The following GRIA4 variants were observed in gnomAD, a reference collection of about 807,000 sequenced individuals.
GRIA4 encodes glutamate ionotropic receptor AMPA type subunit 4, also known as glutamate receptor 4.
Under a neutral mutation model 104.0 loss-of-function variants are expected in GRIA4, and 34 were observed. The ratio of observed to expected loss-of-function variants is 0.33; its 90% CI spans 0.25 to 0.44. The LOEUF (loss-of-function observed/expected upper bound fraction) is 0.44. GRIA4 is among the 20% of genes least tolerant of loss of function. The probability of loss-of-function intolerance (pLI) is 1.00; values close to 1 mark genes in which losing one functional copy is unlikely to be tolerated. For synonymous variants in GRIA4, 386 were observed against 381.9 expected, an observed-to-expected ratio of 1.01 and a Z score of -0.13; for missense variants, 750 against 1,096.5, an observed-to-expected ratio of 0.68 and a Z score of 4.46.
intron 4 of GRIA4, among the ~76,000 whole-genome samples, chr11:105,832,919 C>T (rs1944031580): frequency 6.6e-6 from 1 of 151,934 alleles, no homozygotes; most frequent in African/African-American, 2.4e-5. Flanking sequence ...TGCTATTGAA[C>T]AAATCTTACA....
At chr11:105,723,117 GA>G (rs916540647) in intron 3 of GRIA4, among the ~76,000 whole-genome samples, 2 of 151,786 alleles carry the variant, frequency 1.3e-5, no homozygotes, top group East Asian at 1.9e-4. Context: ...AGGAAAGGGG[GA>G]AAAAACCCTC....
At chr11:105,962,685 A>T (rs1565368475) in intron 14 of GRIA4, among the ~76,000 whole-genome samples, 1 of 152,152 alleles carries the variant, frequency 6.6e-6, no homozygotes, top group Non-Finnish European at 1.5e-5. Flanking sequence ...TACAAGGCAA[A>T]GGCAAACACA....
At chr11:105,715,084 T>C (rs1182795602) in intron 3 of GRIA4, among the ~76,000 whole-genome samples, 2 of 152,308 alleles carry the variant, frequency 1.3e-5, no homozygotes, top group African/African-American at 4.8e-5. Context: ...TTATATCTTA[T>C]GGAGAATTTC....
At chr11:105,784,079 G>C (rs1015098522) in intron 4 of GRIA4, among the ~76,000 whole-genome samples, 1 of 152,074 alleles carries the variant, frequency 6.6e-6, no homozygotes, top group Non-Finnish European at 1.5e-5. Flanking sequence ...ACAAGTAAAT[G>C]GAGACAATAA....
At chr11:105,727,408 G>A (rs985085855) in intron 3 of GRIA4, among the ~76,000 whole-genome samples, 3 of 152,092 alleles carry the variant, frequency 2.0e-5, no homozygotes, top group East Asian at 3.9e-4. Flanking sequence ...TCTGATTGGT[G>A]TACCTGAAAG....
intron 3 of GRIA4, among the ~76,000 whole-genome samples, chr11:105,654,945 T>G (rs1181550522): frequency 6.6e-6 from 1 of 152,200 alleles, no homozygotes; most frequent in Non-Finnish European, 1.5e-5. Flanking sequence ...CTTCTGACCC[T>G]AATTTCTGTT....
rs189928462 is a variant in GRIA4, at chr11:105,726,333, C to T, written c.248-26648C>T. Reference sequence around the variant, plus strand: ...CCTCAAAGCCACAGTAGCCAGAGTGCGTCTCTAGATTCCTCCTCTCTGGGC... The same window carrying T: ...CCTCAAAGCCACAGTAGCCAGAGTGTGTCTCTAGATTCCTCCTCTCTGGGC... On this transcript the variant is annotated intron_variant, in intron 3 of 16. Transcript: ENST00000282499. 2.6e-3 allele frequency among the ~76,000 whole-genome samples: 402 copies of T among 152,234 alleles called. 2 individuals are homozygous for T. Among genetic ancestry groups the T allele is most frequent in the African/African-American group, 5.0e-3 (209 of 41,550 alleles).
intron 5 of GRIA4, among the ~76,000 whole-genome samples, chr11:105,883,441 G>A (rs1197060611): frequency 5.8e-5 from 3 of 51,614 alleles, no homozygotes; most frequent in South Asian, 6.1e-4. Flanking sequence ...CCCACCCCAC[G>A]GCAGGCCCAG....
chr11:105,789,983 A>T (rs1565237663), intron 4 of GRIA4, among the ~76,000 whole-genome samples: 1 of 152,344 alleles, frequency 6.6e-6, no homozygotes, highest in East Asian at 1.9e-4. Context: ...CTGATGGATG[A>T]TCAAGGCAGT....
intron 3 of GRIA4, among the ~76,000 whole-genome samples, chr11:105,623,387 C>T (rs932758770): frequency 2.6e-5 from 4 of 151,808 alleles, no homozygotes; most frequent in East Asian, 1.9e-4. Context: ...ATATTTGAGC[C>T]GGGGGTACCC....
At chr11:105,655,137 C>T (rs891412438) in intron 3 of GRIA4, among the ~76,000 whole-genome samples, 1 of 152,060 alleles carries the variant, frequency 6.6e-6, no homozygotes, top group Non-Finnish European at 1.5e-5. Context: ...ACCCTCATTT[C>T]CCTTGCAACA....
chr11:105,716,584 G>T (rs1954095593), intron 3 of GRIA4, among the ~76,000 whole-genome samples: 1 of 152,060 alleles, frequency 6.6e-6, no homozygotes, highest in South Asian at 2.1e-4. Context: ...GGACAGTTTT[G>T]CAGAGACTCC....
At chr11:105,954,370 C>T (rs1353998237) in intron 14 of GRIA4, among the ~76,000 whole-genome samples, 1 of 152,066 alleles carries the variant, frequency 6.6e-6, no homozygotes, top group Non-Finnish European at 1.5e-5. Flanking sequence ...TATTATATTA[C>T]AAAATAACTG....
chr11:105,672,723 C>G (rs1043599219), intron 3 of GRIA4, among the ~76,000 whole-genome samples: 1 of 151,878 alleles, frequency 6.6e-6, no homozygotes, highest in Admixed American at 6.6e-5. Context: ...TCATTTTCAC[C>G]CAGAGACCCA....
intron 4 of GRIA4, among the ~76,000 whole-genome samples, chr11:105,808,025 T>C (rs1223124943): frequency 6.6e-6 from 1 of 151,970 alleles, no homozygotes; most frequent in Non-Finnish European, 1.5e-5. Context: ...TAATAGAAAA[T>C]AGCTATTTCT....
intron 5 of GRIA4, among the ~76,000 whole-genome samples, chr11:105,885,692 G>A (rs989781423): frequency 1.3e-5 from 2 of 152,230 alleles, no homozygotes; most frequent in African/African-American, 2.4e-5. Flanking sequence ...TCAACTAAGT[G>A]TTTTCTGCCT....
chr11:105,611,433 T>C (rs912661080), intron 2 of GRIA4, among the ~76,000 whole-genome samples: 1 of 152,020 alleles, frequency 6.6e-6, no homozygotes, highest in African/African-American at 2.4e-5. Flanking sequence ...AAGCATAAAG[T>C]GATGTCGAGT....
intron 4 of GRIA4, among the ~76,000 whole-genome samples, chr11:105,858,961 A>G (rs368321565): frequency 9.2e-5 from 14 of 152,308 alleles, no homozygotes; most frequent in Non-Finnish European, 7.4e-5. Context: ...TAACTACATG[A>G]TATTCATCTA....
intron 4 of GRIA4, among the ~76,000 whole-genome samples, chr11:105,767,083 G>A (rs995614379): frequency 6.6e-6 from 1 of 152,224 alleles, no homozygotes; most frequent in Admixed American, 6.5e-5. Flanking sequence ...ATCTAGAATT[G>A]TACCTGGCCA....
Sources: allele counts gnomAD v4.1 joint callset (sites outside exome capture counted in the v4.1 genomes callset), GRCh38; gene constraint gnomAD v4.1.1; transcripts MANE v1.5; gene names NCBI Gene and HGNC (gene_info 2026-07-23, HGNC 2026-07-21).